PIP5K1B: variants seen among roughly 807,000 people sequenced by gnomAD.
The protein encoded by PIP5K1B is phosphatidylinositol 4-phosphate 5-kinase type-1 beta.
PIP5K1B carries 42 observed loss-of-function variants against 67.0 expected under a neutral mutation model. The observed-to-expected ratio is 0.63, with a 90% CI of 0.49 to 0.81. The LOEUF is 0.81. Among genes scored for constraint, PIP5K1B ranks in the 30% least tolerant of loss-of-function variants. PIP5K1B has a pLI of 0.00. For missense variants in PIP5K1B, 459 were observed against 646.3 expected (o/e 0.71, Z 3.14); for synonymous variants, 214 against 231.4 (o/e 0.92, Z 0.68).
At chr9:68,835,121 C>G (rs1009303396) in intron 4 of PIP5K1B, among the ~76,000 whole-genome samples, 1 of 152,144 alleles carries the variant, frequency 6.6e-6, no homozygotes, top group Non-Finnish European at 1.5e-5. Flanking sequence ...GAAACAAGAT[C>G]AATGATTGTT....
At chr9:69,003,429 A>T (rs925230632) in intron 15 of PIP5K1B, among the ~76,000 whole-genome samples, 1 of 151,498 alleles carries the variant, frequency 6.6e-6, no homozygotes, top group African/African-American at 2.4e-5. Context: ...TCTTGCTTTA[A>T]TAAGGCCTCA....
chr9:68,965,452 A>T (rs909758739), intron 14 of PIP5K1B: 14 of 152,316 alleles, frequency 9.2e-5, no homozygotes, highest in African/African-American at 3.4e-4. Context: ...GAATGACTTA[A>T]GGAAACGAAG....
At chr9:68,988,684 C>A (rs570794559) in intron 14 of PIP5K1B, among the ~76,000 whole-genome samples, 1 of 152,192 alleles carries the variant, frequency 6.6e-6, no homozygotes, top group Non-Finnish European at 1.5e-5. Flanking sequence ...CTTCTGACCT[C>A]AGATGATCTG....
chr9:68,916,382 TCGGACC>T (rs1344597686), intron 8 of PIP5K1B, among the ~76,000 whole-genome samples: 2 of 152,200 alleles, frequency 1.3e-5, no homozygotes, highest in African/African-American at 4.8e-5. Flanking sequence ...CTCAACAGAC[TCGGACC>T]CAGACCTTTG....
chr9:68,852,399 C>T (rs1822538469), intron 4 of PIP5K1B, among the ~76,000 whole-genome samples: 2 of 151,958 alleles, frequency 1.3e-5, no homozygotes, highest in Admixed American at 6.6e-5. Flanking sequence ...TTCTAGATCC[C>T]AGAGTAGGAA....
At chr9:68,761,560 A>G (rs753606779) in intron 2 of PIP5K1B, among the ~76,000 whole-genome samples, 10 of 152,260 alleles carry the variant, frequency 6.6e-5, no homozygotes, top group Admixed American at 2.6e-4. Context: ...TAAAATTAAG[A>G]TGTCTACAAG....
chr9:68,860,915 T>C (rs1823029891), intron 4 of PIP5K1B, among the ~76,000 whole-genome samples: 1 of 152,118 alleles, frequency 6.6e-6, no homozygotes, highest in African/African-American at 2.4e-5. Flanking sequence ...CCTGAGCCAA[T>C]AGAAATAGTA....
At chr9:68,862,795 A>G (rs1456744411) in intron 4 of PIP5K1B, among the ~76,000 whole-genome samples, 1 of 134,242 alleles carries the variant, frequency 7.4e-6, no homozygotes, top group Non-Finnish European at 1.6e-5. Flanking sequence ...CTGTCTCAAA[A>G]AAAAATAAAA....
chr9:68,813,734 G>C (rs1056028943), intron 2 of PIP5K1B, among the ~76,000 whole-genome samples: 4 of 152,146 alleles, frequency 2.6e-5, no homozygotes, highest in African/African-American at 9.7e-5. Context: ...ATGGAGAGAA[G>C]CGCTAAATGG....
At position 68,705,240 on chromosome 9, in the gene PIP5K1B, C is replaced by T. The variant is rs937934226; in HGVS notation, c.-765C>T. Among the ~76,000 whole-genome samples the T allele has an allele frequency of 1.3e-5, 2 of 151,928 alleles. No individual in the cohort carries two copies. Among genetic ancestry groups the T allele is most frequent in the African/African-American group, 4.8e-5 (2 of 41,424 alleles). On this transcript the variant is annotated 5_prime_UTR_variant, in exon 1 of 16. Coordinates refer to ENST00000265382, the MANE Select transcript of PIP5K1B (RefSeq NM_003558.4). ...CGCGGCAGCCGCCGCGCAGCCGGCT[C>T]TCTCTGCGCCTCGCTCCGACTCCGG...
chr9:68,822,524 A>C, intron 3 of PIP5K1B, 91 bp from the exon 4 acceptor site: 1 of 930,694 alleles, frequency 1.1e-6, no homozygotes. Context: ...AACATACTTA[A>C]CTAAAATAGA....
At chr9:68,967,382 G>A (rs1365142472) in intron 14 of PIP5K1B, among the ~76,000 whole-genome samples, 1 of 152,172 alleles carries the variant, frequency 6.6e-6, no homozygotes, top group African/African-American at 2.4e-5. Context: ...ATCAGGCTGG[G>A]TCCTCAAATA....
At chr9:68,809,599 A>G (rs1194688211) in intron 2 of PIP5K1B, among the ~76,000 whole-genome samples, 1 of 152,180 alleles carries the variant, frequency 6.6e-6, no homozygotes, top group Non-Finnish European at 1.5e-5. Flanking sequence ...AAATTGTTAA[A>G]ATGCAGGACT....
chr9:68,996,746 G>A (rs189468784), intron 15 of PIP5K1B, among the ~76,000 whole-genome samples: 45 of 152,336 alleles, frequency 3.0e-4, no homozygotes, highest in Admixed American at 4.6e-4. Context: ...CTGCTGAAAA[G>A]TGTATTGGGA....
At chr9:68,990,426 G>GA (rs1491078697) in intron 14 of PIP5K1B, among the ~76,000 whole-genome samples, 1 of 124,446 alleles carries the variant, frequency 8.0e-6, no homozygotes, top group Non-Finnish European at 1.9e-5. Context: ...GGGAAAAAAA[G>GA]AAAAATCATC....
chr9:68,845,286 G>A (rs1822130772), intron 4 of PIP5K1B, among the ~76,000 whole-genome samples: 1 of 152,138 alleles, frequency 6.6e-6, no homozygotes, highest in African/African-American at 2.4e-5. Context: ...ATGAAATCAG[G>A]ACCACAGTCA....
chr9:68,872,656 T>C (rs1039833769), intron 5 of PIP5K1B, among the ~76,000 whole-genome samples: 1 of 152,222 alleles, frequency 6.6e-6, no homozygotes, highest in Non-Finnish European at 1.5e-5. Context: ...CTGTTACTTG[T>C]GGCTGTTTTT....
chr9:68,771,969 T>A lies in PIP5K1B; in HGVS notation c.-86+29312T>A, dbSNP rs1005509600. Among the ~76,000 whole-genome samples, 5 of 152,214 alleles carry A rather than the reference T, an allele frequency of 3.3e-5. No homozygotes were observed. In the East Asian group the frequency reaches 7.7e-4, roughly 23 times the overall value. On this transcript the variant is annotated intron_variant, in intron 2 of 15. Transcript: ENST00000265382. Reference sequence around the variant, plus strand: ...AATTAGAACACACCCACCCTTCTTTTTGTTGCACTTACTGGTCATATTTAG... The same window carrying A: ...AATTAGAACACACCCACCCTTCTTTATGTTGCACTTACTGGTCATATTTAG...
At chr9:68,815,618 G>T (rs1026127415) in intron 2 of PIP5K1B, among the ~76,000 whole-genome samples, 17 of 151,982 alleles carry the variant, frequency 1.1e-4, no homozygotes, top group Non-Finnish European at 1.5e-5. Flanking sequence ...TCAAAGAAAG[G>T]TTATAAATCC....
Sources: allele counts gnomAD v4.1 joint callset (sites outside exome capture counted in the v4.1 genomes callset), GRCh38; gene constraint gnomAD v4.1.1; transcripts MANE v1.5; gene names NCBI Gene and HGNC (gene_info 2026-07-23, HGNC 2026-07-21).